NEBL: variants seen among roughly 807,000 people sequenced by gnomAD.
The protein encoded by NEBL is nebulette.
NEBL carries 122 observed loss-of-function variants against 140.2 expected under a neutral mutation model. The ratio of observed to expected loss-of-function variants is 0.87; its 90% confidence interval spans 0.75 to 1.01. The LOEUF is 1.01. NEBL is among the 50% of genes least tolerant of loss of function. NEBL has a pLI of 0.00. For missense variants in NEBL, 1,365 were observed against 1,231.3 expected (o/e 1.11, Z -1.62); for synonymous variants, 436 against 398.9 (o/e 1.09, Z -1.11).
At chr10:21,010,703 T>C (rs1272110092) in intron 3 of NEBL, among the ~76,000 whole-genome samples, 2 of 152,206 alleles carry the variant, frequency 1.3e-5, no homozygotes, top group Non-Finnish European at 2.9e-5. Flanking sequence ...CATAGAAAAC[T>C]TGAAAAATAT....
At chr10:21,156,495 TA>T (rs1000995700) in intron 2 of NEBL, among the ~76,000 whole-genome samples, 2 of 152,076 alleles carry the variant, frequency 1.3e-5, no homozygotes, top group Non-Finnish European at 2.9e-5. Context: ...TATCAGGTAA[TA>T]AAGTTCACCT....
In NEBL at chr10:20,880,615, C is replaced by T. The variant is rs138399191; in HGVS notation, c.480+179G>A. Among the ~76,000 whole-genome samples, 8 of 152,338 alleles carry T rather than the reference C, an allele frequency of 5.3e-5. No homozygotes were observed. The East Asian group carries it at 5.8e-4, about 11-fold the overall frequency. Reference sequence around the variant, plus strand: ...AAGTGCCTGACAACATAAAGGCATTCGGCAAGGTGTTAATGACTGTGGATA... The same window carrying T: ...AAGTGCCTGACAACATAAAGGCATTTGGCAAGGTGTTAATGACTGTGGATA... On this transcript the variant is annotated intron_variant, in intron 5 of 27. Transcript: ENST00000377122.
intron 2 of NEBL, among the ~76,000 whole-genome samples, chr10:21,110,371 C>T (rs905030737): frequency 6.6e-6 from 1 of 152,094 alleles, no homozygotes; most frequent in African/African-American, 2.4e-5. Flanking sequence ...AGTGAGCTTT[C>T]ATAGTATGCA....
chr10:21,013,351 G>A (rs1838421846), intron 3 of NEBL, among the ~76,000 whole-genome samples: 1 of 152,150 alleles, frequency 6.6e-6, no homozygotes, highest in Admixed American at 6.5e-5. Flanking sequence ...TTACATACAT[G>A]AGAAAGTGCT....
chr10:21,195,383 C>T (rs191346877), intron 3 of NEBL, among the ~76,000 whole-genome samples: 1 of 152,326 alleles, frequency 6.6e-6, no homozygotes, highest in East Asian at 1.9e-4. Context: ...CATAAATCTT[C>T]AAGTTGTCAG....
At chr10:21,018,264 T>C (rs1838639966) in intron 3 of NEBL, among the ~76,000 whole-genome samples, 2 of 152,210 alleles carry the variant, frequency 1.3e-5, no homozygotes, top group African/African-American at 4.8e-5. Flanking sequence ...TACCAAAGCA[T>C]GTCACAGGCA....
chr10:20,998,599 G>A (rs3900922), intron 3 of NEBL, among the ~76,000 whole-genome samples: 1,749 of 152,128 alleles, frequency 0.011, 31 homozygotes, highest in African/African-American at 0.04. Context: ...AAAATGCTAC[G>A]TCTACATCTC....
intron 2 of NEBL, among the ~76,000 whole-genome samples, chr10:21,042,772 A>G (rs1337720765): frequency 6.6e-6 from 1 of 152,230 alleles, no homozygotes; most frequent in South Asian, 2.1e-4. Flanking sequence ...CTTCCTGCAG[A>G]CCACAAGCTC....
chr10:20,955,289 T>A (rs1835742133), intron 4 of NEBL, among the ~76,000 whole-genome samples: 1 of 152,118 alleles, frequency 6.6e-6, no homozygotes, highest in South Asian at 2.1e-4. Context: ...AAATGCTAAT[T>A]AAAACCAAAG....
At chr10:21,016,344 G>A (rs1020844869) in intron 3 of NEBL, among the ~76,000 whole-genome samples, 1 of 152,150 alleles carries the variant, frequency 6.6e-6, no homozygotes, top group Admixed American at 6.5e-5. Flanking sequence ...ATGTTATTAT[G>A]ACAATCTGGC....
intron 11 of NEBL, among the ~76,000 whole-genome samples, chr10:20,848,177 G>GA (rs1842131025): frequency 6.6e-6 from 1 of 152,052 alleles, no homozygotes; most frequent in African/African-American, 2.4e-5. Context: ...TGCTGCTGCA[G>GA]AAAAAAGTGC....
At chr10:20,951,849 C>G (rs1835483593) in intron 4 of NEBL, among the ~76,000 whole-genome samples, 1 of 152,146 alleles carries the variant, frequency 6.6e-6, no homozygotes, top group African/African-American at 2.4e-5. Context: ...AATTTAGATA[C>G]TTTCAAAGTT....
intron 5 of NEBL, among the ~76,000 whole-genome samples, chr10:20,878,077 G>T (rs1003985605): frequency 6.6e-6 from 1 of 152,098 alleles, no homozygotes; most frequent in Non-Finnish European, 1.5e-5. Context: ...TTACTGTTTG[G>T]AGATCATTTA....
chr10:21,037,966 G>A (rs534865), intron 2 of NEBL, among the ~76,000 whole-genome samples: 91,849 of 151,990 alleles, frequency 0.6, 27,847 homozygotes, highest in East Asian at 0.73. Context: ...GAGCAAAAAT[G>A]TCTTCATAAG....
chr10:21,146,581 T>G (rs566993922), intron 2 of NEBL: 10 of 1,159,698 alleles, frequency 8.6e-6, no homozygotes, highest in South Asian at 5.9e-5. Context: ...AACTTTCATC[T>G]TAATTACAGA....
intron 2 of NEBL, among the ~76,000 whole-genome samples, chr10:21,033,805 G>A (rs1039690399): frequency 1.3e-5 from 2 of 151,294 alleles, no homozygotes; most frequent in Non-Finnish European, 2.9e-5. Context: ...TATCTCACTT[G>A]GCTCTTATGA....
chr10:21,277,824 TC>T (rs950230108), intron 1 of NEBL, among the ~76,000 whole-genome samples: 1 of 152,282 alleles, frequency 6.6e-6, no homozygotes, highest in Non-Finnish European at 1.5e-5. Context: ...TTTCTTTCTT[TC>T]TTTCTTTTTT....
At chr10:21,202,466 T>TC (rs993733371) in intron 3 of NEBL, among the ~76,000 whole-genome samples, 2 of 144,490 alleles carry the variant, frequency 1.4e-5, no homozygotes, top group South Asian at 2.2e-4. Context: ...TTTTTCTTTT[T>TC]TTTTTTTTTT....
chr10:20,919,625 A>G (rs1833481782), intron 4 of NEBL, among the ~76,000 whole-genome samples: 1 of 152,188 alleles, frequency 6.6e-6, no homozygotes, highest in Non-Finnish European at 1.5e-5. Context: ...TAATGTTACA[A>G]CAACACAGGA....
Sources: allele counts gnomAD v4.1 joint callset (sites outside exome capture counted in the v4.1 genomes callset), GRCh38; gene constraint gnomAD v4.1.1; transcripts MANE v1.5; gene names NCBI Gene and HGNC (gene_info 2026-07-23, HGNC 2026-07-21).